Variants in L2HGDH observed in about 807,000 individuals in gnomAD.
L2HGDH encodes the protein L-2-hydroxyglutarate dehydrogenase, also known as L-2-hydroxyglutarate dehydrogenase, mitochondrial.
A neutral mutation model predicts 51.5 loss-of-function variants in L2HGDH; 34 were observed. The ratio of observed to expected loss-of-function variants is 0.66; its 90% confidence interval spans 0.50 to 0.88. The LOEUF (loss-of-function observed/expected upper bound fraction) is 0.88, where lower values mean the gene tolerates loss of function less well. Ranked by LOEUF, L2HGDH falls within the 40% of genes least tolerant of loss-of-function variation. L2HGDH has a pLI of 0.00. For synonymous variants in L2HGDH, 198 were observed against 197.9 expected (o/e 1.00, Z -0.01); for missense variants, 558 against 571.9 (o/e 0.98, Z 0.25).
chr14:50,309,136 A>G (rs1051379946), intron 1 of L2HGDH, among the ~76,000 whole-genome samples: 1 of 152,208 alleles, frequency 6.6e-6, no homozygotes, highest in African/African-American at 2.4e-5. Flanking sequence ...TCTTTTGCAG[A>G]GCAAAAGTTT....
intron 1 of L2HGDH, among the ~76,000 whole-genome samples, chr14:50,305,702 T>C (rs532488496): frequency 3.6e-4 from 55 of 152,348 alleles, no homozygotes; most frequent in African/African-American, 1.3e-3. Flanking sequence ...ATACTTAAGA[T>C]ATTTGTATGT....
Position 50,243,924 on chromosome 14 carries a change from C to T in L2HGDH, c.*3134G>A, listed in dbSNP as rs1262160302. 4 of 144,484 alleles carry T rather than the reference C, an allele frequency of 2.8e-5. No individual in the cohort carries two copies. Among genetic ancestry groups the T allele is most frequent in the East Asian group, 2.1e-4 (1 of 4,830 alleles). The allele number at this position is 144,484 out of a possible 1,614,324, so 9.0% of individuals were successfully genotyped here. On this transcript the variant is annotated 3_prime_UTR_variant, in exon 10 of 10. Transcript: ENST00000267436. ...TTCAATTCCCATCTATGAGTGAGAACATGCGGTGTTTGGTTTTTTGTTCTT... is the reference window on the plus strand; with the variant it reads ...TTCAATTCCCATCTATGAGTGAGAATATGCGGTGTTTGGTTTTTTGTTCTT...
intron 9 of L2HGDH, among the ~76,000 whole-genome samples, 183 bp downstream of exon 9, chr14:50,265,175 A>G (rs1027175252): frequency 3.9e-5 from 6 of 152,220 alleles, no homozygotes; most frequent in Admixed American, 2.0e-4. Flanking sequence ...GCCATGATGT[A>G]GCAATGCCCA....
rs57368270 is a variant in L2HGDH at position 50,307,163 on chromosome 14, G to C, written c.141-4146C>G. Among the ~76,000 whole-genome samples the C allele has an allele frequency of 1.4e-3, 206 of 152,264 alleles. 2 individuals carry two copies. The highest frequency in any genetic ancestry group is 4.7e-3 in the African/African-American group (194 of 41,556). ...TAACACAAAAGCTTTTGGGGAGGTAGACCTTCCACTTAGAATTATTACCTT... is the reference window on the plus strand; with the variant it reads ...TAACACAAAAGCTTTTGGGGAGGTACACCTTCCACTTAGAATTATTACCTT... On this transcript the variant is annotated intron_variant, in intron 1 of 9. Transcript: ENST00000267436.
At chr14:50,290,543 C>A (rs1461959328) in intron 4 of L2HGDH, among the ~76,000 whole-genome samples, 1 of 152,184 alleles carries the variant, frequency 6.6e-6, no homozygotes, top group African/African-American at 2.4e-5. Context: ...ACTATCTAGG[C>A]TTATGATCTC....
At chr14:50,286,830 A>G (rs1050572517) in intron 4 of L2HGDH, among the ~76,000 whole-genome samples, 1 of 152,172 alleles carries the variant, frequency 6.6e-6, no homozygotes, top group Admixed American at 6.5e-5. Flanking sequence ...TACTAAGCTA[A>G]AAGCATTCCC....
At chr14:50,262,614 G>A (rs990657196) in intron 9 of L2HGDH, among the ~76,000 whole-genome samples, 4 of 151,804 alleles carry the variant, frequency 2.6e-5, no homozygotes, top group Non-Finnish European at 5.9e-5. Flanking sequence ...CCTCACCAGA[G>A]GTAACCACTC....
At chr14:50,292,077 T>A (rs567170941) in intron 4 of L2HGDH, among the ~76,000 whole-genome samples, 2 of 151,860 alleles carry the variant, frequency 1.3e-5, no homozygotes, top group African/African-American at 4.8e-5. Context: ...AAACATCAAA[T>A]ACAAATTCTT....
chr14:50,270,377 G>GTAAA (rs1201567887), intron 6 of L2HGDH, among the ~76,000 whole-genome samples: 1 of 152,122 alleles, frequency 6.6e-6, no homozygotes, highest in Non-Finnish European at 1.5e-5. Flanking sequence ...TTCTTACAGA[G>GTAAA]TAAACACCTA....
intron 9 of L2HGDH, among the ~76,000 whole-genome samples, chr14:50,248,810 C>T (rs1888162400): frequency 6.6e-6 from 1 of 152,162 alleles, no homozygotes; most frequent in Non-Finnish European, 1.5e-5. Flanking sequence ...ACTATCTGCA[C>T]ACAGAAAAGC....
At chr14:50,285,522 T>C (rs1325840961) in intron 4 of L2HGDH, among the ~76,000 whole-genome samples, 1 of 152,216 alleles carries the variant, frequency 6.6e-6, no homozygotes, top group African/African-American at 2.4e-5. Flanking sequence ...AACTTCAATC[T>C]ATAAACAATA....
rs1022466977 is a variant in L2HGDH, at chr14:50,256,371, G to A, written c.1196+8987C>T. On this transcript the variant is annotated intron_variant, in intron 9 of 9. Transcript: ENST00000267436. Reference sequence around the variant, plus strand: ...CTCTAAAATAATAATAACTAGGCAGGTGTGGTGGCACACACCTGTTGTCCT... The same window carrying A: ...CTCTAAAATAATAATAACTAGGCAGATGTGGTGGCACACACCTGTTGTCCT... Among the ~76,000 whole-genome samples, 8 of 151,890 alleles carry A rather than the reference G, an allele frequency of 5.3e-5. 1 individual carries two copies. The South Asian group carries it at 1.5e-3, about 28-fold the overall frequency.
intron 6 of L2HGDH, among the ~76,000 whole-genome samples, chr14:50,273,869 C>A (rs963350126): frequency 6.6e-6 from 1 of 152,044 alleles, no homozygotes; most frequent in Non-Finnish European, 1.5e-5. Flanking sequence ...CACCTGAGGT[C>A]GGAGTTCAAA....
At chr14:50,250,467 G>A (rs990936195) in intron 9 of L2HGDH, among the ~76,000 whole-genome samples, 4 of 152,202 alleles carry the variant, frequency 2.6e-5, no homozygotes, top group African/African-American at 4.8e-5. Context: ...CTAGTTATCC[G>A]CAGTAGAACA....
At chr14:50,310,696 C>G (rs2031064789) in intron 1 of L2HGDH, among the ~76,000 whole-genome samples, 2 of 151,732 alleles carry the variant, frequency 1.3e-5, no homozygotes, top group African/African-American at 4.8e-5. Flanking sequence ...ACAGTGAGAC[C>G]CTGACTCCAA....
At chr14:50,276,889 T>G (rs1401591947) in intron 6 of L2HGDH, among the ~76,000 whole-genome samples, 1 of 152,156 alleles carries the variant, frequency 6.6e-6, no homozygotes, top group Non-Finnish European at 1.5e-5. Context: ...GGGCTAGACA[T>G]TTCTTTGTTT....
chr14:50,267,978 A>C (rs1654950179), intron 7 of L2HGDH, 68 bp from the exon 8 acceptor site: 2 of 1,415,564 alleles, frequency 1.4e-6, no homozygotes, highest in African/African-American at 1.4e-5. Flanking sequence ...GCAAACATTC[A>C]ATTGGTAACA....
At chr14:50,303,234 C>T (rs959235151) in intron 1 of L2HGDH, among the ~76,000 whole-genome samples, 7 of 151,886 alleles carry the variant, frequency 4.6e-5, no homozygotes, top group African/African-American at 1.5e-4. Flanking sequence ...CCATCCTGGC[C>T]AACATGGTGA....
Position 50,269,335 on chromosome 14 carries a change from T to C in L2HGDH, c.739-5A>G, listed in dbSNP as rs1368025048. ...CTGACATCGAATTTCCTCTCCCTAG[T>C]GCAAAATAAAAGAACAGTTATTTGT... On this transcript the variant is annotated splice_polypyrimidine_tract_variant and splice_region_variant and intron_variant, in intron 6 of 9. Coordinates refer to ENST00000267436, the MANE Select transcript of L2HGDH (RefSeq NM_024884.3). 1.7e-5 allele frequency: 27 copies of C among 1,613,510 alleles called. No individual in the cohort carries two copies. The highest frequency in any genetic ancestry group is 2.2e-5 in the East Asian group (1 of 44,876).
Sources: gnomAD v4.1 joint callset for allele counts (sites outside exome capture counted in the v4.1 genomes callset) on GRCh38, gnomAD v4.1.1 for gene constraint, MANE v1.5 for transcripts, NCBI Gene and HGNC (gene_info 2026-07-23, HGNC 2026-07-21) for gene names.